IGFBP2: variants seen among roughly 807,000 people sequenced by gnomAD.
IGFBP2 encodes insulin like growth factor binding protein 2.
Under a neutral mutation model 26.2 loss-of-function variants are expected in IGFBP2, and 12 were observed. The ratio of observed to expected loss-of-function variants is 0.46; its 90% CI spans 0.29 to 0.74. IGFBP2 has a LOEUF of 0.74. IGFBP2 is among the 30% of genes least tolerant of loss of function. The pLI is 0.09. For synonymous variants in IGFBP2, 189 were observed against 200.6 expected (o/e 0.94, Z 0.49); for missense variants, 328 against 441.2 (o/e 0.74, Z 2.30).
chr2:216,635,607 CTT>C (rs5838591), intron 1 of IGFBP2, among the ~76,000 whole-genome samples: 27 of 149,340 alleles, frequency 1.8e-4, no homozygotes, highest in Admixed American at 2.7e-4. Context: ...TAACGTTTTA[CTT>C]TTTTTTTTTT....
chr2:216,634,906 T>A (rs6435945), intron 1 of IGFBP2, among the ~76,000 whole-genome samples: 15,511 of 128,484 alleles, frequency 0.12, 1,467 homozygotes, highest in African/African-American at 0.23. Context: ...TTTTTTTTTT[T>A]AATTACGAAA....
intron 1 of IGFBP2, among the ~76,000 whole-genome samples, chr2:216,655,108 C>T (rs1697893778): frequency 6.6e-6 from 1 of 152,160 alleles, no homozygotes; most frequent in East Asian, 1.9e-4. Flanking sequence ...AGTGCAGTGG[C>T]ATGATCATGG....
intron 1 of IGFBP2, among the ~76,000 whole-genome samples, chr2:216,634,892 C>CTTTTTTTTTTT (rs1191096035): frequency 2.1e-4 from 5 of 23,782 alleles, no homozygotes; most frequent in East Asian, 2.0e-3. Flanking sequence ...AAGGAGGTTA[C>CTTTTTTTTTTT]TTTTTTTTTT....
chr2:216,661,669 G>A, intron 2 of IGFBP2, 189 bp from the exon 3 acceptor site: 1 of 679,032 alleles, frequency 1.5e-6, no homozygotes, highest in Non-Finnish European at 2.6e-6. Context: ...TAGGGGCTGG[G>A]GTTGGGCACC....
At position 216,661,059 on chromosome 2, in the gene IGFBP2, G is replaced by T. The variant is rs181473609; in HGVS notation, c.672+273G>T. 1.2e-3 allele frequency: 569 copies of T among 479,194 alleles called. 3 individuals are homozygous for T. The highest frequency in any genetic ancestry group is 9.8e-3 in the African/African-American group (502 of 51,278). 29.7% of individuals were successfully genotyped at this position (479,194 alleles called of 1,614,324 possible). ...GTTTTGGAACATAGACACAGAAAAT[G>T]AATCCCAGAGATGAAGACAGAGTCC... is the stretch of plus-strand genomic sequence containing the variant. On this transcript the variant is annotated intron_variant, in intron 2 of 3. Transcript: ENST00000233809.
intron 1 of IGFBP2, among the ~76,000 whole-genome samples, chr2:216,653,440 C>G (rs1324212593): frequency 6.6e-6 from 1 of 152,232 alleles, no homozygotes; most frequent in Non-Finnish European, 1.5e-5. Context: ...AATAAAGGCT[C>G]TTTCTCTTGG....
In IGFBP2 at chr2:216,657,354, T is replaced by C. The variant is rs147101670; in HGVS notation, c.443-3203T>C. ...GTCAGTGTTGAGATGGAAAGTTGACTGAACCTGATCTCTTCTGTTTGTTGT... is the reference window on the plus strand; with the variant it reads ...GTCAGTGTTGAGATGGAAAGTTGACCGAACCTGATCTCTTCTGTTTGTTGT... On this transcript the variant is annotated intron_variant, in intron 1 of 3. Coordinates refer to ENST00000233809, the MANE Select transcript of IGFBP2 (RefSeq NM_000597.3). Among the ~76,000 whole-genome samples the C allele has an allele frequency of 4.7e-4, 72 of 152,348 alleles. 1 individual carries two copies. The highest frequency in any genetic ancestry group is 1.6e-3 in the African/African-American group (67 of 41,584).
At chr2:216,638,124 C>A (rs868735064) in intron 1 of IGFBP2, among the ~76,000 whole-genome samples, 89 of 150,288 alleles carry the variant, frequency 5.9e-4, no homozygotes, top group South Asian at 3.2e-3. Context: ...GGAGGTGGAG[C>A]TTGCAGTGAG....
At chr2:216,633,345 C>T (rs747732524), upstream of IGFBP2, 60 of 153,904 alleles carry the variant, frequency 3.9e-4, no homozygotes, top group Admixed American at 1.1e-3. Flanking sequence ...GGAGTGGTCT[C>T]CAAAAGGGGG....
At chr2:216,633,058 C>G (rs1697409143), upstream of IGFBP2, 1 of 152,222 alleles carries the variant, frequency 6.6e-6, no homozygotes, top group Admixed American at 6.5e-5. Flanking sequence ...CAGCGGTTAG[C>G]CCAGTGCCGG....
chr2:216,659,975 C>A (rs905221648), intron 1 of IGFBP2, among the ~76,000 whole-genome samples: 1 of 152,056 alleles, frequency 6.6e-6, no homozygotes. Context: ...GGCGACGTGG[C>A]CTTCCACCTT....
intron 1 of IGFBP2, among the ~76,000 whole-genome samples, chr2:216,649,601 G>C (rs1254891180): frequency 1.3e-5 from 2 of 152,258 alleles, no homozygotes; most frequent in East Asian, 3.8e-4. Context: ...AGTGAAAGCT[G>C]ATAGTGCTGT....
intron 2 of IGFBP2, 58 bp from the exon 3 acceptor site, chr2:216,661,800 C>T (rs750580804): frequency 2.1e-5 from 33 of 1,603,960 alleles, no homozygotes; most frequent in African/African-American, 6.7e-5. Context: ...GCGTCTGGCG[C>T]GTGCTTCGTG....
intron 1 of IGFBP2, among the ~76,000 whole-genome samples, chr2:216,640,827 A>G (rs1574555134): frequency 1.3e-5 from 2 of 152,302 alleles, no homozygotes; most frequent in East Asian, 1.9e-4. Context: ...GCCAGATTTC[A>G]ATTATGTAGA....
chr2:216,636,031 G>C (rs543268133), intron 1 of IGFBP2, among the ~76,000 whole-genome samples: 18 of 152,206 alleles, frequency 1.2e-4, no homozygotes, highest in African/African-American at 4.3e-4. Context: ...AAAGAGTCGG[G>C]CTGGGGGAGG....
chr2:216,655,025 CAT>C (rs1463302471), intron 1 of IGFBP2, among the ~76,000 whole-genome samples: 1 of 152,148 alleles, frequency 6.6e-6, no homozygotes, highest in Non-Finnish European at 1.5e-5. Context: ...TCTATAAAAA[CAT>C]ATATTTTTAA....
chr2:216,660,018 T>C (rs1484292033), intron 1 of IGFBP2, among the ~76,000 whole-genome samples: 1 of 151,948 alleles, frequency 6.6e-6, no homozygotes, highest in Non-Finnish European at 1.5e-5. Flanking sequence ...TGCAGCCCGG[T>C]GATGTCTGTG....
At chr2:216,660,454 G>C in intron 1 of IGFBP2, 103 bp from the exon 2 acceptor site, 1 of 796,006 alleles carries the variant, frequency 1.3e-6, no homozygotes, top group Admixed American at 2.8e-5. Context: ...TTAGCCGCGC[G>C]TCATCTCCAC....
At chr2:216,650,311 G>A (rs10221752) in intron 1 of IGFBP2, among the ~76,000 whole-genome samples, 2,638 of 152,318 alleles carry the variant, frequency 0.017, 50 homozygotes, top group Middle Eastern at 0.027. Context: ...TGACACCTGC[G>A]CAAGTTGAAC....
Sources: gnomAD v4.1 joint callset for allele counts (sites outside exome capture counted in the v4.1 genomes callset) on GRCh38, gnomAD v4.1.1 for gene constraint, MANE v1.5 for transcripts, NCBI Gene and HGNC (gene_info 2026-07-23, HGNC 2026-07-21) for gene names.